GABBR2: variants seen among roughly 807,000 people sequenced by gnomAD.
GABBR2 encodes G-protein coupled receptor 51.
In GABBR2, 23 loss-of-function variants were observed where a neutral mutation model predicts 105.6. That is an observed-to-expected ratio of 0.22 (90% CI 0.16 to 0.31). The LOEUF is 0.31. Among genes scored for constraint, GABBR2 ranks in the 10% least tolerant of loss-of-function variants. The pLI is 1.00. For synonymous variants in GABBR2, 478 were observed against 499.7 expected (o/e 0.96, Z 0.58); for missense variants, 734 against 1,245.5 (o/e 0.59, Z 6.18).
Position 98,428,147 on chromosome 9 carries a change from C to T in GABBR2, c.1237-22006G>A, listed in dbSNP as rs537561253. Among the ~76,000 whole-genome samples, 3 of 152,238 alleles carry T rather than the reference C, an allele frequency of 2.0e-5. No individual in the cohort carries two copies. In the South Asian group the frequency reaches 6.2e-4, roughly 32 times the overall value. ...AGGAAACATAATTCATCCTGGATGG[C>T]TCAAAAGAAGAGACTTTATTAAAAA... On this transcript the variant is annotated intron_variant, in intron 7 of 18. Transcript: ENST00000259455.
chr9:98,605,130 A>T (rs781487059), intron 1 of GABBR2, among the ~76,000 whole-genome samples: 8 of 152,238 alleles, frequency 5.3e-5, no homozygotes, highest in Non-Finnish European at 7.3e-5. Flanking sequence ...CCATGAGACG[A>T]AACCAGGGCA....
At chr9:98,409,454 C>A (rs1832546727) in intron 7 of GABBR2, among the ~76,000 whole-genome samples, 1 of 152,328 alleles carries the variant, frequency 6.6e-6, no homozygotes, top group East Asian at 1.9e-4. Context: ...ACAGCTCAGA[C>A]TGCATGGCAA....
At chr9:98,471,412 T>C (rs1452498274) in intron 6 of GABBR2, among the ~76,000 whole-genome samples, 1 of 152,196 alleles carries the variant, frequency 6.6e-6, no homozygotes, top group Non-Finnish European at 1.5e-5. Context: ...TAAGAAAATT[T>C]AGAAAAGGGA....
intron 1 of GABBR2, among the ~76,000 whole-genome samples, chr9:98,579,803 A>G (rs900948801): frequency 2.0e-5 from 3 of 152,236 alleles, no homozygotes; most frequent in Non-Finnish European, 4.4e-5. Context: ...CTACAGGGCA[A>G]TAAAACCACA....
At chr9:98,608,304 G>A (rs542260499) in intron 1 of GABBR2, among the ~76,000 whole-genome samples, 14 of 152,250 alleles carry the variant, frequency 9.2e-5, no homozygotes, top group South Asian at 4.2e-4. Flanking sequence ...TTAAGATGCC[G>A]TCAATTGTCT....
At chr9:98,627,396 G>A (rs1829753853) in intron 1 of GABBR2, among the ~76,000 whole-genome samples, 1 of 152,158 alleles carries the variant, frequency 6.6e-6, no homozygotes, top group Non-Finnish European at 1.5e-5. Context: ...AAGGGTTGAG[G>A]CACTGTGTAT....
intron 1 of GABBR2, among the ~76,000 whole-genome samples, chr9:98,615,896 CT>C (rs1187937715): frequency 3.6e-4 from 55 of 152,366 alleles, no homozygotes; most frequent in African/African-American, 1.3e-3. Flanking sequence ...GTTCTGTCAT[CT>C]ATGAACTAGG....
At chr9:98,680,769 A>C (rs1381272514) in intron 1 of GABBR2, among the ~76,000 whole-genome samples, 1 of 152,194 alleles carries the variant, frequency 6.6e-6, no homozygotes, top group Non-Finnish European at 1.5e-5. Context: ...AGGTGACTTA[A>C]ATACCGGGAC....
chr9:98,343,436 G>A (rs1248319799), intron 13 of GABBR2, among the ~76,000 whole-genome samples: 1 of 152,162 alleles, frequency 6.6e-6, no homozygotes. Context: ...GTCAGGTGGA[G>A]GTGTAAATGG....
chr9:98,375,113 A>C (rs1325625023), intron 11 of GABBR2: 1 of 152,196 alleles, frequency 6.6e-6, no homozygotes, highest in Non-Finnish European at 1.5e-5. Context: ...TTAAACTCCA[A>C]ATTCTTAGCA....
At chr9:98,621,508 C>T (rs1377481784) in intron 1 of GABBR2, among the ~76,000 whole-genome samples, 2 of 152,170 alleles carry the variant, frequency 1.3e-5, no homozygotes, top group East Asian at 1.9e-4. Context: ...GTTCACAGAG[C>T]GCAAAACAGA....
rs183689687 is a variant in GABBR2 at position 98,693,679 on chromosome 9, C to T, written c.321+14738G>A. On this transcript the variant is annotated intron_variant, in intron 1 of 18. Transcript: ENST00000259455. ...TACGGAGCCAGACCAGAGCTCAGAG[C>T]TGACCCTGGGCCTCTCCATCTCACA... Among the ~76,000 whole-genome samples, 317 of 152,338 alleles carry T rather than the reference C, an allele frequency of 2.1e-3. 1 individual carries two copies. Among genetic ancestry groups the T allele is most frequent in the Non-Finnish European group, 3.5e-3 (239 of 68,024 alleles).
At chr9:98,349,079 T>C (rs774306919) in intron 13 of GABBR2, among the ~76,000 whole-genome samples, 1 of 151,886 alleles carries the variant, frequency 6.6e-6, no homozygotes, top group African/African-American at 2.4e-5. Flanking sequence ...AGATGGCCTT[T>C]AGTATGTTGA....
intron 1 of GABBR2, among the ~76,000 whole-genome samples, chr9:98,682,298 A>AT (rs1362991373): frequency 6.6e-6 from 1 of 151,310 alleles, no homozygotes; most frequent in African/African-American, 2.4e-5. Context: ...ATAATGTAAA[A>AT]TTAAAGGCAA....
chr9:98,680,854 T>C (rs1830536572), intron 1 of GABBR2, among the ~76,000 whole-genome samples: 1 of 152,224 alleles, frequency 6.6e-6, no homozygotes, highest in East Asian at 1.9e-4. Context: ...AATGTGTCAT[T>C]TCAAGTAAGC....
intron 13 of GABBR2, 98 bp downstream of exon 13, chr9:98,362,617 T>G (rs1831605854): frequency 1.1e-6 from 1 of 926,920 alleles, no homozygotes; most frequent in South Asian, 4.1e-5. Flanking sequence ...GTGTTCCCAG[T>G]GGGGTACTGG....
At position 98,409,815 on chromosome 9, in the gene GABBR2, G is replaced by A. The variant is rs1832553601; in HGVS notation, c.1237-3674C>T. ...ACTGCATCACATTTTGACTTCTCCC[G>A]CTGCCCAGCGCTACTTGGCTTCCTC... On this transcript the variant is annotated intron_variant, in intron 7 of 18. Transcript: ENST00000259455. Among the ~76,000 whole-genome samples, 3 of 152,162 alleles carry A rather than the reference G, an allele frequency of 2.0e-5. No homozygotes were observed. In the South Asian group the frequency reaches 6.2e-4, roughly 32 times the overall value.
intron 1 of GABBR2, among the ~76,000 whole-genome samples, chr9:98,647,783 A>G (rs577715974): frequency 6.6e-6 from 1 of 152,278 alleles, no homozygotes; most frequent in South Asian, 2.1e-4. Context: ...AATAAATGTA[A>G]AAGTTGCTAC....
chr9:98,483,931 C>G (rs533397548), intron 4 of GABBR2, among the ~76,000 whole-genome samples: 2 of 152,220 alleles, frequency 1.3e-5, no homozygotes, highest in African/African-American at 4.8e-5. Flanking sequence ...GCTCCCAGAA[C>G]AGGGCGCTAC....
Sources: gnomAD v4.1 joint callset for allele counts (sites outside exome capture counted in the v4.1 genomes callset) on GRCh38, gnomAD v4.1.1 for gene constraint, MANE v1.5 for transcripts, NCBI Gene and HGNC (gene_info 2026-07-23, HGNC 2026-07-21) for gene names.